IFT140: variants seen among roughly 807,000 people sequenced by gnomAD.
IFT140 encodes the protein intraflagellar transport protein 140 homolog.
Under a neutral mutation model 164.6 loss-of-function variants are expected in IFT140, and 133 were observed. The ratio of observed to expected loss-of-function variants is 0.81; its 90% CI spans 0.70 to 0.93. IFT140 has a LOEUF of 0.93. Among genes scored for constraint, IFT140 ranks in the 40% least tolerant of loss-of-function variants. The pLI is 0.00. For missense variants in IFT140, 2,045 were observed against 1,972.3 expected, an observed-to-expected ratio of 1.04 and a Z score of -0.70; for synonymous variants, 860 against 817.3, an observed-to-expected ratio of 1.05 and a Z score of -0.89.
At chr16:1,513,877 G>C (rs970573269) in intron 30 of IFT140, among the ~76,000 whole-genome samples, 1 of 142,650 alleles carries the variant, frequency 7.0e-6, no homozygotes, top group Non-Finnish European at 1.5e-5. Flanking sequence ...GTTTCACCGT[G>C]TTAGCCAAGA....
chr16:1,580,817 A>G lies in IFT140; in HGVS notation c.1466T>C (p.Met489Thr). ...TFLCETPVLA[M>T]HEENVYTVES... ...CACCGTGTAAACGTTTTCTTCATGC[A>G]TTGCTAACACAGGCGTCTCACACAA... is the stretch of plus-strand genomic sequence containing the variant. Residue 489 changes from methionine (M) to threonine (T), a missense_variant, in exon 13 of 31, where the codon ATG becomes ACG. By Grantham distance (81) the Met-to-Thr change is moderately conservative. Coordinates refer to ENST00000426508, the MANE Select transcript of IFT140 (RefSeq NM_014714.4). The G allele has an allele frequency of 1.9e-6, 3 of 1,613,904 alleles. No homozygotes were observed. The highest frequency in any genetic ancestry group is 2.5e-6 in the Non-Finnish European group (3 of 1,179,882).
intron 26 of IFT140, among the ~76,000 whole-genome samples, chr16:1,522,735 G>C (rs1365594442): frequency 6.6e-6 from 1 of 152,100 alleles, no homozygotes; most frequent in Admixed American, 6.6e-5. Context: ...CTACTTGGGA[G>C]GCTGAAGCAG....
At chr16:1,520,384 G>C in intron 27 of IFT140, 41 bp from the exon 28 acceptor site, 1 of 1,599,686 alleles carries the variant, frequency 6.3e-7, no homozygotes, top group Non-Finnish European at 8.6e-7. Flanking sequence ...GCAGGGGCTG[G>C]GCCGGGACAA....
chr16:1,565,807 A>G (rs755412620), intron 16 of IFT140, among the ~76,000 whole-genome samples: 4 of 152,232 alleles, frequency 2.6e-5, no homozygotes, highest in Non-Finnish European at 2.9e-5. Context: ...CCAGAAGTAC[A>G]TTCTTTAAAC....
intron 19 of IFT140, among the ~76,000 whole-genome samples, chr16:1,556,286 G>C (rs953156635): frequency 1.4e-4 from 22 of 152,216 alleles, no homozygotes; most frequent in Admixed American, 8.5e-4. Context: ...TACATCTGAG[G>C]GGTCAAAACC....
Position 1,523,655 on chromosome 16 carries a change from G to T in IFT140, c.3316C>A (p.Gln1106Lys). 1 of 1,613,896 alleles carries T rather than the reference G, an allele frequency of 6.2e-7. No individual in the cohort carries two copies. Among genetic ancestry groups the T allele is most frequent in the Non-Finnish European group, 8.5e-7 (1 of 1,179,998 alleles). ...GCTATGAGCTGTAGGGCCACAAACT[G>T]CTGGGTGGCAAAGGCCAGCTCCAGG... ...KALELAFATQ[Q>K]FVALQLIAED... The change falls in exon 26 of 31, where the codon CAG (glutamine) becomes AAG (lysine). Residue 1106 changes from glutamine to lysine, a missense_variant. By Grantham distance (53) the Gln-to-Lys change is moderately conservative (BLOSUM62 1). Transcript: ENST00000426508.
rs1371411242 is a variant in IFT140, at chr16:1,524,896, G to A, written c.2885C>T (p.Ala962Val). 2 of 1,608,092 alleles carry A rather than the reference G, an allele frequency of 1.2e-6. No individual in the cohort carries two copies. The highest frequency in any genetic ancestry group is 1.1e-5 in the South Asian group (1 of 91,020). The part of the protein sequence containing the change: ...MKDKTLWRWW[A>V]QYLESQGEMD... ...CTCGCCCTGGCTCTCCAGGTACTGCGCCCACCACCGCCACAGGGTCCTGCG... is the reference window on the plus strand; with the variant it reads ...CTCGCCCTGGCTCTCCAGGTACTGCACCCACCACCGCCACAGGGTCCTGCG... Residue 962 changes from alanine (A) to valine (V), a missense_variant, in exon 23 of 31, where the codon GCG (alanine) becomes GTG (valine). Ala to Val is a moderately conservative substitution (Grantham distance 64, BLOSUM62 0). Coordinates refer to ENST00000426508, the MANE Select transcript of IFT140 (RefSeq NM_014714.4).
intron 30 of IFT140, among the ~76,000 whole-genome samples, chr16:1,512,753 G>A (rs113558828): frequency 0.093 from 14,195 of 152,248 alleles, 893 homozygotes; most frequent in African/African-American, 0.16. Flanking sequence ...TTGTGCCACC[G>A]CACTCCAGCC....
chr16:1,602,419 G>T lies in IFT140; in HGVS notation c.320C>A (p.Thr107Asn). The change falls in exon 4 of 31, where the codon ACC becomes AAC. Residue 107 changes from threonine to asparagine, a missense_variant. By Grantham distance (65) the Thr-to-Asn change is moderately conservative. Transcript: ENST00000426508. ...TMPLTHTADITVLRWSPSGNC... is the reference protein window; with the variant it reads ...TMPLTHTADINVLRWSPSGNC... The stretch of plus-strand genomic sequence containing the variant: ...TCCACTGGGGCTCCAACGGAGCACG[G>T]TGATGTCGGCTGTGTGTGTCAGGGG... The T allele has an allele frequency of 6.2e-7, 1 of 1,614,240 alleles. No homozygotes were observed. Among genetic ancestry groups the T allele is most frequent in the African/African-American group, 1.3e-5 (1 of 75,058 alleles).
At chr16:1,552,259 C>G (rs8050274) in intron 19 of IFT140, among the ~76,000 whole-genome samples, 1 of 152,090 alleles carries the variant, frequency 6.6e-6, no homozygotes, top group Non-Finnish European at 1.5e-5. Context: ...CTCCCGCCCT[C>G]GAGGGTCTCA....
At chr16:1,540,070 G>A (rs1340950388) in intron 19 of IFT140, among the ~76,000 whole-genome samples, 3 of 152,210 alleles carry the variant, frequency 2.0e-5, no homozygotes, top group Admixed American at 6.5e-5. Context: ...GGACGGCGGG[G>A]GGACCCTCAG....
chr16:1,589,167 C>T (rs1314091218), intron 7 of IFT140, among the ~76,000 whole-genome samples: 5 of 152,204 alleles, frequency 3.3e-5, no homozygotes, highest in Non-Finnish European at 7.3e-5. Flanking sequence ...CTGTCATCTG[C>T]AAGAGCATCT....
At chr16:1,590,473 G>A (rs914398673) in intron 6 of IFT140, among the ~76,000 whole-genome samples, 6 of 152,088 alleles carry the variant, frequency 3.9e-5, no homozygotes, top group Non-Finnish European at 7.3e-5. Context: ...CCTGGGTGTC[G>A]CTGCTGTGCC....
In IFT140 at chr16:1,587,992, T is replaced by C. The variant is rs138769432; in HGVS notation, c.843A>G (p.Ala281=). ...GGCTGCCTTCAATCAAAGCGATGTC[T>C]GCCCGGCGGCCGGTTTTCCCGCTCA... ...VKLSGKTGRR[A]DIALIEGSLL... is the part of the protein sequence containing the mutation. Residue 281 remains alanine (A), a synonymous_variant, in exon 8 of 31, where the codon GCA becomes GCG. Transcript: ENST00000426508. 1.2e-6 allele frequency: 2 copies of C among 1,613,796 alleles called. No individual in the cohort carries two copies. Among genetic ancestry groups the C allele is most frequent in the African/African-American group, 2.7e-5 (2 of 74,924 alleles).
chr16:1,608,215 C>T (rs973449312), intron 2 of IFT140, among the ~76,000 whole-genome samples: 2 of 152,180 alleles, frequency 1.3e-5, no homozygotes, highest in Non-Finnish European at 2.9e-5. Flanking sequence ...ATATACACAT[C>T]GTCCCTTTTC....
At chr16:1,568,020 G>A (rs1350889332) in intron 15 of IFT140, among the ~76,000 whole-genome samples, 197 bp downstream of exon 15, 3 of 152,210 alleles carry the variant, frequency 2.0e-5, no homozygotes, top group African/African-American at 7.2e-5. Context: ...GGCTGGGTGA[G>A]GACCATGCTG....
Position 1,533,985 on chromosome 16 carries a change from G to A in IFT140, c.2400-7189C>T. The A allele has an allele frequency of 4.3e-6, 2 of 464,514 alleles. No homozygotes were observed. The highest frequency in any genetic ancestry group is 4.3e-5 in the Admixed American group (1 of 23,476). 28.8% of individuals were successfully genotyped at this position (464,514 alleles called of 1,614,324 possible). A position where few individuals can be genotyped will look rare whatever the true frequency, so the allele number is the denominator to read the frequency against. ...CCGGCCTCCGCTTCCCGGGAAGACG[G>A]CGCACTCCTGGCCCTGGGTTCTTGC... On this transcript the variant is annotated intron_variant, in intron 19 of 30. Coordinates refer to ENST00000426508, the MANE Select transcript of IFT140 (RefSeq NM_014714.4). This position sits in a 1 kb window ranked among gnomAD's most constrained non-coding sequence, Gnocchi z 4.7.
chr16:1,585,177 C>T (rs1349628691), intron 10 of IFT140, among the ~76,000 whole-genome samples: 2 of 152,226 alleles, frequency 1.3e-5, no homozygotes, highest in Non-Finnish European at 2.9e-5. Flanking sequence ...AAATGTCCAT[C>T]AACTGATGAA....
At chr16:1,562,591 A>G (rs2033476310) in intron 17 of IFT140, among the ~76,000 whole-genome samples, 1 of 152,078 alleles carries the variant, frequency 6.6e-6, no homozygotes, top group Non-Finnish European at 1.5e-5. Flanking sequence ...GGCCAACGTG[A>G]TGAAACCCCG....
Sources: allele counts gnomAD v4.1 joint callset (sites outside exome capture counted in the v4.1 genomes callset), GRCh38; gene constraint gnomAD v4.1.1; non-coding constraint Gnocchi (gnomAD v3.1); transcripts MANE v1.5; gene names NCBI Gene and HGNC (gene_info 2026-07-23, HGNC 2026-07-21).